The following NEMP1 variants were observed in gnomAD, a reference collection of about 807,000 sequenced individuals.
NEMP1 encodes the protein transmembrane protein 194.
NEMP1 carries 29 observed loss-of-function variants against 53.7 expected under a neutral mutation model. The ratio of observed to expected loss-of-function variants is 0.54; its 90% CI spans 0.40 to 0.74. The LOEUF is 0.74. Ranked by LOEUF, NEMP1 falls within the 30% of genes least tolerant of loss-of-function variation. The pLI is 0.00. For synonymous variants in NEMP1, 193 were observed against 192.9 expected (o/e 1.00, Z 0.00); for missense variants, 477 against 528.6 (o/e 0.90, Z 0.96).
intron 1 of NEMP1, 39 bp downstream of exon 1, chr12:57,078,580 C>T (rs1421034408): frequency 2.5e-6 from 4 of 1,587,804 alleles, no homozygotes; most frequent in Admixed American, 1.8e-5. Flanking sequence ...ATAACCCCCT[C>T]GGCACCTGCC....
At chr12:57,074,641 C>CT (rs2032517343) in intron 1 of NEMP1, among the ~76,000 whole-genome samples, 1 of 152,144 alleles carries the variant, frequency 6.6e-6, no homozygotes, top group African/African-American at 2.4e-5. Flanking sequence ...TTGGAGGATA[C>CT]TAAAAGATTT....
intron 8 of NEMP1, 28 bp downstream of exon 8, chr12:57,060,744 G>C (rs1271757122): frequency 4.4e-6 from 7 of 1,599,216 alleles, no homozygotes; most frequent in Middle Eastern, 1.7e-4. Context: ...TACCCTGATA[G>C]ATGCTTGGTA....
chr12:57,059,612 T>C lies in NEMP1; in HGVS notation c.*267A>G. On this transcript the variant is annotated 3_prime_UTR_variant, in exon 9 of 9. Transcript: ENST00000300128. ...GCCATGCTAGCTGTGGCCATCCAAT[T>C]TCTCTGGAAACATAAAAGTGGGCTG... The C allele has an allele frequency of 3.1e-6, 1 of 321,154 alleles. No individual in the cohort carries two copies. The highest frequency in any genetic ancestry group is 5.8e-6 in the Non-Finnish European group (1 of 173,552). 19.9% of individuals were successfully genotyped at this position (321,154 alleles called of 1,614,324 possible).
In NEMP1 at chr12:57,063,144, T is replaced by C; in HGVS notation, c.955A>G (p.Ile319Val). The C allele has an allele frequency of 3.1e-6, 5 of 1,613,934 alleles. No homozygotes were observed. The highest frequency in any genetic ancestry group is 4.2e-6 in the Non-Finnish European group (5 of 1,179,812). ...ALCTKNLEHP[I>V]QWLYITCRKV... is the part of the protein sequence containing the mutation. Reference sequence around the variant, plus strand: ...CTGCAGGTGATGTACAGCCACTGAATAGGGTGTTCCAGGTTCTTAGTACAA... The same window carrying C: ...CTGCAGGTGATGTACAGCCACTGAACAGGGTGTTCCAGGTTCTTAGTACAA... The change falls in exon 7 of 9, where the codon ATT becomes GTT. Residue 319 changes from isoleucine to valine, a missense_variant. Coordinates refer to ENST00000300128, the MANE Select transcript of NEMP1 (RefSeq NM_001130963.2).
intron 1 of NEMP1, among the ~76,000 whole-genome samples, chr12:57,076,951 G>C (rs1347491398): frequency 6.7e-6 from 1 of 149,532 alleles, no homozygotes; most frequent in African/African-American, 2.5e-5. Context: ...TACATTCTGC[G>C]GGGCGGGGCG....
chr12:57,060,199 C>G (rs997692565), intron 8 of NEMP1, 140 bp from the exon 9 acceptor site: 9 of 784,786 alleles, frequency 1.1e-5, no homozygotes, highest in African/African-American at 1.7e-5. Context: ...TGTCCTTACT[C>G]TGGCAGGTAA....
At chr12:57,072,741 C>T (rs2032411332) in intron 2 of NEMP1, 47 bp downstream of exon 2, 2 of 1,549,760 alleles carry the variant, frequency 1.3e-6, no homozygotes, top group African/African-American at 2.7e-5. Flanking sequence ...TAATCACCAA[C>T]AGAAATTTAC....
At chr12:57,072,283 C>CA (rs1240199705) in intron 2 of NEMP1, among the ~76,000 whole-genome samples, 4 of 151,876 alleles carry the variant, frequency 2.6e-5, no homozygotes, top group African/African-American at 9.7e-5. Flanking sequence ...ACAAAAAATA[C>CA]AAAAAAATTG....
In NEMP1 at chr12:57,064,358, G is replaced by A. The variant is rs140299463; in HGVS notation, c.640-173C>T. Among the ~76,000 whole-genome samples, 225 of 152,112 alleles carry A rather than the reference G, an allele frequency of 1.5e-3. 5 individuals carry two copies. The East Asian group carries it at 0.036, about 25-fold the overall frequency. ...TACTTAAAATGGTACAGTCTGCAACGAACACTGGGAAGATGAAATGCTAAA... is the reference window on the plus strand; with the variant it reads ...TACTTAAAATGGTACAGTCTGCAACAAACACTGGGAAGATGAAATGCTAAA... On this transcript the variant is annotated intron_variant, in intron 5 of 8. Transcript: ENST00000300128.
Position 57,078,699 on chromosome 12 carries a change from C to T in NEMP1, c.47G>A (p.Gly16Glu), listed in dbSNP as rs751594933. Residue 16 changes from glycine to glutamate, a missense_variant, in exon 1 of 9, where the codon GGG (glycine) becomes GAG (glutamate). Physicochemically the swap from Gly to Glu is moderately conservative, Grantham distance 98. Coordinates refer to ENST00000300128, the MANE Select transcript of NEMP1 (RefSeq NM_001130963.2). ...KVAVSPAVGP[G>E]PWGSGVGGGG... Reference sequence around the variant, plus strand: ...GCCCCCGACTCCCGAGCCCCAGGGCCCGGGACCAACTGCCGGCGAGACCGC... The same window carrying T: ...GCCCCCGACTCCCGAGCCCCAGGGCTCGGGACCAACTGCCGGCGAGACCGC... 1 of 1,613,424 alleles carries T rather than the reference C, an allele frequency of 6.2e-7. No homozygotes were observed. The highest frequency in any genetic ancestry group is 8.5e-7 in the Non-Finnish European group (1 of 1,179,672).
Position 57,058,265 on chromosome 12 carries a change from T to C in NEMP1, c.*1614A>G, listed in dbSNP as rs893919198. The C allele has an allele frequency of 2.0e-5, 3 of 152,190 alleles. No homozygotes were observed. Among genetic ancestry groups the C allele is most frequent in the Admixed American group, 6.5e-5 (1 of 15,274 alleles). The allele number at this position is 152,190 out of a possible 1,614,324, so 9.4% of individuals were successfully genotyped here. On this transcript the variant is annotated 3_prime_UTR_variant, in exon 9 of 9. Transcript: ENST00000300128. ...AGTCTCAGAGCTGACCCTTTGGAAG[T>C]CTGCAATGGAGCTAGGCCTTTCAAA...
In NEMP1 at chr12:57,059,005, T is replaced by C. The variant is rs1031256441; in HGVS notation, c.*874A>G. 2 of 152,146 alleles carry C rather than the reference T, an allele frequency of 1.3e-5. No homozygotes were observed. The highest frequency in any genetic ancestry group is 1.3e-4 in the Admixed American group (2 of 15,276). 9.4% of individuals were successfully genotyped at this position (152,146 alleles called of 1,614,324 possible). A position where few individuals can be genotyped will look rare whatever the true frequency, so the allele number is the denominator to read the frequency against. On this transcript the variant is annotated 3_prime_UTR_variant, in exon 9 of 9. Transcript: ENST00000300128. ...GGAATAATGCTACTCTGAACATACA[T>C]AGTTCACAGGTAAGGGAACTGACCC...
intron 1 of NEMP1, among the ~76,000 whole-genome samples, chr12:57,087,091 T>C (rs1016065413): frequency 1.3e-5 from 2 of 152,152 alleles, no homozygotes; most frequent in Admixed American, 6.5e-5. Flanking sequence ...TCTTCCCTCG[T>C]CCCTCTCTGG....
Position 57,059,055 on chromosome 12 carries a change from A to G in NEMP1, c.*824T>C, listed in dbSNP as rs141004105. 9.8e-5 allele frequency: 15 copies of G among 152,356 alleles called. No homozygotes were observed. The highest frequency in any genetic ancestry group is 3.6e-4 in the African/African-American group (15 of 41,594). 9.4% of individuals were successfully genotyped at this position (152,356 alleles called of 1,614,324 possible). A position where few individuals can be genotyped will look rare whatever the true frequency, so the allele number is the denominator to read the frequency against. Reference sequence around the variant, plus strand: ...CTTCCTGAAAGGGCAAAGGCAGGGTAAGGAAGAATGGGAAGAGAAGAATAC... The same window carrying G: ...CTTCCTGAAAGGGCAAAGGCAGGGTGAGGAAGAATGGGAAGAGAAGAATAC... On this transcript the variant is annotated 3_prime_UTR_variant, in exon 9 of 9. Transcript: ENST00000300128.
In NEMP1 at chr12:57,058,112, C is replaced by A. The variant is rs1410688391; in HGVS notation, c.*1767G>T. The A allele has an allele frequency of 6.6e-6, 1 of 152,152 alleles. No individual in the cohort carries two copies. Among genetic ancestry groups the A allele is most frequent in the Admixed American group, 6.5e-5 (1 of 15,270 alleles). 9.4% of individuals were successfully genotyped at this position (152,152 alleles called of 1,614,324 possible). A position where few individuals can be genotyped will look rare whatever the true frequency, so the allele number is the denominator to read the frequency against. On this transcript the variant is annotated 3_prime_UTR_variant, in exon 9 of 9. Transcript: ENST00000300128. ...TTCAACTGTAACCCATAGCATCTGC[C>A]CAAATACTGCTCATTTTTCACTTTC...
chr12:57,059,772 T>G lies in NEMP1; in HGVS notation c.*107A>C. ...CCTCTTATTTCAGTAGGAGAATTTCTACCCTATCTATCTCACTCTGTTTCA... is the reference window on the plus strand; with the variant it reads ...CCTCTTATTTCAGTAGGAGAATTTCGACCCTATCTATCTCACTCTGTTTCA... On this transcript the variant is annotated 3_prime_UTR_variant, in exon 9 of 9. Transcript: ENST00000300128. 1 of 1,023,378 alleles carries G rather than the reference T, an allele frequency of 9.8e-7. No individual in the cohort carries two copies. The highest frequency in any genetic ancestry group is 1.4e-6 in the Non-Finnish European group (1 of 714,104). 63.4% of individuals were successfully genotyped at this position (1,023,378 alleles called of 1,614,324 possible).
intron 1 of NEMP1, among the ~76,000 whole-genome samples, chr12:57,073,783 AT>A (rs776040690): frequency 7.9e-5 from 12 of 152,162 alleles, no homozygotes; most frequent in Non-Finnish European, 1.3e-4. Flanking sequence ...AGATTAAGTA[AT>A]TTGCTCCAAA....
intron 1 of NEMP1, among the ~76,000 whole-genome samples, chr12:57,073,997 C>CTGG (rs2032481318): frequency 6.6e-6 from 1 of 151,392 alleles, no homozygotes; most frequent in South Asian, 2.1e-4. Context: ...GAGACAGGGT[C>CTGG]TGGCTCTGCT....
At chr12:57,075,313 G>A (rs764972336) in intron 1 of NEMP1, among the ~76,000 whole-genome samples, 1 of 147,848 alleles carries the variant, frequency 6.8e-6, no homozygotes, top group East Asian at 2.0e-4. Context: ...GCATGAACCC[G>A]GGAAGTGGAG....
Sources: gnomAD v4.1 joint callset for allele counts (sites outside exome capture counted in the v4.1 genomes callset) on GRCh38, gnomAD v4.1.1 for gene constraint, MANE v1.5 for transcripts, NCBI Gene and HGNC (gene_info 2026-07-23, HGNC 2026-07-21) for gene names.